BASP1: variants seen among roughly 807,000 people sequenced by gnomAD.
BASP1 encodes the protein brain acid soluble protein 1.
A neutral mutation model predicts 2.2 loss-of-function variants in BASP1; 1 was observed. The observed-to-expected ratio is 0.46, with a 90% CI of 0.16 to 2.17. The LOEUF is 2.17. Ranked by LOEUF, BASP1 falls within the 30% of genes most tolerant of loss-of-function variation. The pLI, the probability that BASP1 is intolerant of heterozygous loss-of-function variation, is 0.27. For synonymous variants in BASP1, 187 were observed against 154.2 expected, an observed-to-expected ratio of 1.21 and a Z score of -1.58; for missense variants, 352 against 327.2, an observed-to-expected ratio of 1.08 and a Z score of -0.58.
At position 17,275,671 on chromosome 5, in the gene BASP1, A is replaced by G. The variant is rs17849332; in HGVS notation, c.455A>G (p.Glu152Gly). 1.3e-6 allele frequency: 2 copies of G among 1,559,668 alleles called. No homozygotes were observed. The highest frequency in any genetic ancestry group is 1.7e-6 in the Non-Finnish European group (2 of 1,153,348). Residue 152 changes from glutamate (E) to glycine (G), a missense_variant, in exon 2 of 2, where the codon GAG becomes GGG. Glu to Gly is a moderately conservative substitution (Grantham distance 98, BLOSUM62 -2). Coordinates refer to ENST00000322611, the MANE Select transcript of BASP1 (RefSeq NM_006317.5). The surrounding 1 kb of genome is among the most constrained non-coding windows in gnomAD (Gnocchi z 5.3). ...SKEEGEPKKT[E>G]APAAPAAQET... ...GAGGAAGGGGAACCCAAAAAGACTG[A>G]GGCGCCCGCAGCTCCTGCCGCCCAG...
At chr5:17,245,780 G>A (rs966059938) in intron 1 of BASP1, among the ~76,000 whole-genome samples, 2 of 152,080 alleles carry the variant, frequency 1.3e-5, no homozygotes, top group Non-Finnish European at 2.9e-5. Flanking sequence ...AAAGATGGAA[G>A]AAGAAATTGA....
intron 1 of BASP1, among the ~76,000 whole-genome samples, chr5:17,267,085 A>G (rs754496945): frequency 9.9e-5 from 15 of 152,192 alleles, no homozygotes; most frequent in Non-Finnish European, 1.9e-4. Context: ...ATTGATTTAA[A>G]CTATATTTGA....
At chr5:17,245,486 A>G (rs1221058145) in intron 1 of BASP1, among the ~76,000 whole-genome samples, 1 of 152,174 alleles carries the variant, frequency 6.6e-6, no homozygotes, top group Non-Finnish European at 1.5e-5. Flanking sequence ...TGCCAAATAT[A>G]TGATATTATT....
intron 1 of BASP1, among the ~76,000 whole-genome samples, chr5:17,262,103 C>T (rs1354017003): frequency 6.6e-6 from 1 of 151,972 alleles, no homozygotes; most frequent in African/African-American, 2.4e-5. Flanking sequence ...TTTCTAACTC[C>T]TACAAGAGCT....
At chr5:17,223,071 G>T (rs1309342219) in intron 1 of BASP1, among the ~76,000 whole-genome samples, 2 of 151,116 alleles carry the variant, frequency 1.3e-5, no homozygotes, top group African/African-American at 2.4e-5. Flanking sequence ...GGACTTCATT[G>T]GTTTGTGTTT....
At chr5:17,274,865 A>G (rs1176748666) in intron 1 of BASP1, among the ~76,000 whole-genome samples, 1 of 147,154 alleles carries the variant, frequency 6.8e-6, no homozygotes, top group Non-Finnish European at 1.5e-5. Context: ...ACAGTGTAAT[A>G]TAATAATTTA....
chr5:17,237,098 C>T (rs1446626444), intron 1 of BASP1, among the ~76,000 whole-genome samples: 1 of 152,104 alleles, frequency 6.6e-6, no homozygotes, highest in Non-Finnish European at 1.5e-5. Flanking sequence ...GTAATTGCAG[C>T]ACTTTGGGAG....
chr5:17,219,708 C>T (rs545658928), intron 1 of BASP1, among the ~76,000 whole-genome samples: 41 of 152,318 alleles, frequency 2.7e-4, no homozygotes, highest in African/African-American at 9.4e-4. Context: ...TTTATTCGAA[C>T]AAGATGGCCT....
Position 17,270,957 on chromosome 5 carries a change from C to T in BASP1, c.-9-4251C>T, listed in dbSNP as rs942245627. The stretch of plus-strand genomic sequence containing the variant: ...TTATACTCTGCCATGACCCAATGTG[C>T]AAAGTCTCCTTGAAATTCAATTCTT... On this transcript the variant is annotated intron_variant, in intron 1 of 1. Coordinates refer to ENST00000322611, the MANE Select transcript of BASP1 (RefSeq NM_006317.5). Among the ~76,000 whole-genome samples, 20 of 152,286 alleles carry T rather than the reference C, an allele frequency of 1.3e-4. No homozygotes were observed. The East Asian group carries it at 3.9e-3, about 29-fold the overall frequency.
chr5:17,237,855 C>T (rs1033255871), intron 1 of BASP1, among the ~76,000 whole-genome samples: 4 of 152,094 alleles, frequency 2.6e-5, no homozygotes, highest in African/African-American at 7.2e-5. Context: ...AAGTGATCCA[C>T]CCACGTCGGC....
intron 1 of BASP1, among the ~76,000 whole-genome samples, chr5:17,227,987 C>T (rs1739550692): frequency 2.0e-5 from 3 of 152,146 alleles, no homozygotes; most frequent in Admixed American, 2.0e-4. Flanking sequence ...GTGTTTGTAC[C>T]AATGTTCTCC....
chr5:17,272,058 G>A (rs1404029599), intron 1 of BASP1, among the ~76,000 whole-genome samples: 1 of 138,576 alleles, frequency 7.2e-6, no homozygotes, highest in Non-Finnish European at 1.5e-5. Context: ...GACAGACTGA[G>A]ACTGCATTTC....
At chr5:17,249,843 T>C (rs1740066346) in intron 1 of BASP1, among the ~76,000 whole-genome samples, 2 of 152,178 alleles carry the variant, frequency 1.3e-5, no homozygotes, top group African/African-American at 4.8e-5. Context: ...CATTCTAATG[T>C]GTTTTAAGGA....
chr5:17,249,650 T>C (rs950905192), intron 1 of BASP1, among the ~76,000 whole-genome samples: 20 of 152,192 alleles, frequency 1.3e-4, no homozygotes, highest in Admixed American at 1.3e-3. Flanking sequence ...AAAAGACCTC[T>C]AGATTTTAAT....
chr5:17,264,795 A>G (rs1458078251), intron 1 of BASP1, among the ~76,000 whole-genome samples: 1 of 152,196 alleles, frequency 6.6e-6, no homozygotes, highest in Non-Finnish European at 1.5e-5. Context: ...CATCCTTAAT[A>G]ACTTTATTCT....
chr5:17,274,696 C>T (rs561353285), intron 1 of BASP1, among the ~76,000 whole-genome samples: 27 of 152,326 alleles, frequency 1.8e-4, no homozygotes, highest in African/African-American at 6.3e-4. Flanking sequence ...ATTATTCCCT[C>T]AACTGGCTAT....
intron 1 of BASP1, among the ~76,000 whole-genome samples, chr5:17,264,207 T>C (rs911833752): frequency 2.0e-5 from 3 of 152,248 alleles, no homozygotes; most frequent in Non-Finnish European, 1.5e-5. Context: ...TTAGATTTCT[T>C]TCTTCTGACA....
intron 1 of BASP1, among the ~76,000 whole-genome samples, chr5:17,219,447 T>TG (rs1160373913): frequency 6.6e-6 from 1 of 152,244 alleles, no homozygotes; most frequent in African/African-American, 2.4e-5. Context: ...AGATTTGCCT[T>TG]GATGAGGATG....
intron 1 of BASP1, among the ~76,000 whole-genome samples, chr5:17,221,712 A>G (rs1340997063): frequency 6.6e-6 from 1 of 152,192 alleles, no homozygotes; most frequent in Non-Finnish European, 1.5e-5. Flanking sequence ...GACATTAGAT[A>G]AGCCAGTGAA....
Sources: gnomAD v4.1 joint callset for allele counts (sites outside exome capture counted in the v4.1 genomes callset) on GRCh38, gnomAD v4.1.1 for gene constraint, Gnocchi (gnomAD v3.1) non-coding constraint, MANE v1.5 for transcripts, NCBI Gene and HGNC (gene_info 2026-07-23, HGNC 2026-07-21) for gene names.